ADAMTS19: variants seen among roughly 807,000 people sequenced by gnomAD.
The protein encoded by ADAMTS19 is ADAM metallopeptidase with thrombospondin type 1 motif 19, also known as A disintegrin and metalloproteinase with thrombospondin motifs 19.
In ADAMTS19, 93 loss-of-function variants were observed where a neutral mutation model predicts 153.3. That is an observed-to-expected ratio of 0.61 (90% CI 0.51 to 0.72). ADAMTS19 has a LOEUF of 0.72. Among genes scored for constraint, ADAMTS19 ranks in the 30% least tolerant of loss-of-function variants. The probability of loss-of-function intolerance (pLI) is 0.00; values close to 1 mark genes in which losing one functional copy is unlikely to be tolerated. For missense variants in ADAMTS19, 1,482 were observed against 1,552.1 expected, an observed-to-expected ratio of 0.95 and a Z score of 0.76; for synonymous variants, 600 against 556.6, an observed-to-expected ratio of 1.08 and a Z score of -1.10.
intron 8 of ADAMTS19, among the ~76,000 whole-genome samples, chr5:129,612,831 G>A (rs942677074): frequency 1.3e-5 from 2 of 152,054 alleles, no homozygotes; most frequent in African/African-American, 4.8e-5. Flanking sequence ...TCAAAATAAA[G>A]GGATGGAGGA....
intron 21 of ADAMTS19, among the ~76,000 whole-genome samples, chr5:129,707,269 C>T (rs1050234404): frequency 2.6e-5 from 4 of 152,180 alleles, no homozygotes; most frequent in Non-Finnish European, 4.4e-5. Flanking sequence ...AGATTGTATT[C>T]ATCTTTATTC....
chr5:129,472,143 A>T (rs1179720274), intron 2 of ADAMTS19, among the ~76,000 whole-genome samples: 2 of 152,230 alleles, frequency 1.3e-5, no homozygotes, highest in Admixed American at 6.5e-5. Context: ...TATCTTCCAC[A>T]ATGGTTGAAC....
intron 2 of ADAMTS19, among the ~76,000 whole-genome samples, chr5:129,470,457 A>G (rs116438468): frequency 0.011 from 1,606 of 152,336 alleles, 24 homozygotes; most frequent in African/African-American, 0.037. Context: ...GGAAGTTTTA[A>G]GATTCTCTTA....
At chr5:129,671,027 G>T in intron 16 of ADAMTS19, among the ~76,000 whole-genome samples, 1 of 152,156 alleles carries the variant, frequency 6.6e-6, no homozygotes, top group South Asian at 2.1e-4. Flanking sequence ...ACTGAATGCT[G>T]CTCTGGAGAT....
At chr5:129,571,153 T>C (rs566239830) in intron 7 of ADAMTS19, among the ~76,000 whole-genome samples, 2 of 151,938 alleles carry the variant, frequency 1.3e-5, no homozygotes, top group East Asian at 3.9e-4. Context: ...ATTGTTTACA[T>C]AGAAAATATC....
At position 129,622,253 on chromosome 5, in the gene ADAMTS19, A is replaced by G. The variant is rs1751810389; in HGVS notation, c.1675A>G (p.Met559Val). ...AAATCCGCAGAGTGTCAATTCTGTG[A>G]TGGTTCCCTCCAAGCTGCCAGGGAT... is the stretch of plus-strand genomic sequence containing the variant. The part of the protein sequence containing the change: ...QTNPQSVNSV[M>V]VPSKLPGMTY... The change falls in exon 10 of 23, where the codon ATG becomes GTG. Residue 559 changes from methionine to valine, a missense_variant. Physicochemically the swap from Met to Val is conservative, Grantham distance 21. Around this residue, in one of 2 missense-constraint regions of ADAMTS19, gnomAD observed 866 missense variants for 827.7 expected, o/e 1.05. Coordinates refer to ENST00000274487, the MANE Select transcript of ADAMTS19 (RefSeq NM_133638.6). 1.2e-6 allele frequency: 2 copies of G among 1,614,002 alleles called. No homozygotes were observed. Among genetic ancestry groups the G allele is most frequent in the African/African-American group, 2.7e-5 (2 of 74,920 alleles).
intron 10 of ADAMTS19, among the ~76,000 whole-genome samples, chr5:129,624,309 C>CCTCTCTGA (rs944065977): frequency 1.3e-5 from 2 of 151,994 alleles, no homozygotes; most frequent in African/African-American, 2.4e-5. Context: ...GTCTCCGGTA[C>CCTCTCTGA]CTCTCTGACC....
At chr5:129,736,159 T>C (rs1757655238) in intron 22 of ADAMTS19, among the ~76,000 whole-genome samples, 1 of 152,052 alleles carries the variant, frequency 6.6e-6, no homozygotes, top group Non-Finnish European at 1.5e-5. Context: ...TAAATCCATT[T>C]ATTCAATAGC....
chr5:129,621,449 T>C lies in ADAMTS19; in HGVS notation c.1619+691T>C, dbSNP rs535784013. Among the ~76,000 whole-genome samples the C allele has an allele frequency of 1.2e-4, 19 of 152,306 alleles. 1 individual carries two copies. The highest frequency in any genetic ancestry group is 3.6e-4 in the African/African-American group (15 of 41,572). On this transcript the variant is annotated intron_variant, in intron 9 of 22. Coordinates refer to ENST00000274487, the MANE Select transcript of ADAMTS19 (RefSeq NM_133638.6). ...GGAACACCTAGCTTGCTAAACTCAC[T>C]ACACAGATGAACTTTATTCACTTTT...
intron 16 of ADAMTS19, among the ~76,000 whole-genome samples, chr5:129,672,328 T>C (rs934406382): frequency 6.6e-6 from 1 of 152,134 alleles, no homozygotes; most frequent in Non-Finnish European, 1.5e-5. Flanking sequence ...AGGGCACCAA[T>C]GTTTAATCCT....
chr5:129,699,780 G>A (rs1051409279), intron 19 of ADAMTS19, among the ~76,000 whole-genome samples: 5 of 152,260 alleles, frequency 3.3e-5, no homozygotes, highest in African/African-American at 1.2e-4. Flanking sequence ...TAAGCAAGAT[G>A]AGCATATGGT....
intron 16 of ADAMTS19, among the ~76,000 whole-genome samples, chr5:129,674,683 TTTTC>T (rs1423924642): frequency 6.6e-6 from 1 of 152,142 alleles, no homozygotes; most frequent in Non-Finnish European, 1.5e-5. Context: ...ATACTCCTCT[TTTTC>T]CTTCCTTTTT....
intron 7 of ADAMTS19, among the ~76,000 whole-genome samples, chr5:129,565,887 T>G (rs1419408170): frequency 6.6e-6 from 1 of 152,154 alleles, no homozygotes; most frequent in Non-Finnish European, 1.5e-5. Flanking sequence ...GTAGAAATTT[T>G]TCTTAGCATT....
In ADAMTS19 at chr5:129,528,621, G is replaced by A; in HGVS notation, c.1272G>A (p.Met424Ile). The A allele has an allele frequency of 1.9e-6, 3 of 1,606,098 alleles. No homozygotes were observed. The highest frequency in any genetic ancestry group is 2.5e-6 in the Non-Finnish European group (3 of 1,176,860). ...AAAAGAATGATATACATTTAGAGAT[G>A]TCAACAAACTGGGGGGAAGACATGA... ...FGKKNDIHLE[M>I]STNWGEDMTS... The change falls in exon 6 of 23, where the codon ATG becomes ATA. Residue 424 changes from methionine (M) to isoleucine (I), a missense_variant. By Grantham distance (10) the Met-to-Ile change is conservative. Around this residue, in one of 2 missense-constraint regions of ADAMTS19, gnomAD observed 866 missense variants for 827.7 expected, o/e 1.05. Transcript: ENST00000274487.
chr5:129,542,751 T>G (rs1343511843), intron 6 of ADAMTS19, among the ~76,000 whole-genome samples: 2 of 152,178 alleles, frequency 1.3e-5, no homozygotes, highest in Non-Finnish European at 2.9e-5. Context: ...ACAGTAAAAG[T>G]TATAAATATT....
intron 7 of ADAMTS19, among the ~76,000 whole-genome samples, chr5:129,554,505 T>C (rs1753246335): frequency 6.6e-6 from 1 of 152,192 alleles, no homozygotes; most frequent in South Asian, 2.1e-4. Flanking sequence ...CATATATGCC[T>C]CCACTGGATA....
rs548816207 is a variant in ADAMTS19, at chr5:129,492,784, G to A, written c.748-16293G>A. Among the ~76,000 whole-genome samples the A allele has an allele frequency of 3.9e-5, 6 of 151,970 alleles. No homozygotes were observed. In the East Asian group the frequency reaches 7.7e-4, roughly 20 times the overall value. ...TAAAGAAACTTATCACACACATTTC[G>A]CAGTATTGCCACATAAACTTCAGTA... On this transcript the variant is annotated intron_variant, in intron 2 of 22. Coordinates refer to ENST00000274487, the MANE Select transcript of ADAMTS19 (RefSeq NM_133638.6).
At chr5:129,610,524 G>A (rs541238945) in intron 8 of ADAMTS19, among the ~76,000 whole-genome samples, 4 of 152,048 alleles carry the variant, frequency 2.6e-5, no homozygotes, top group Non-Finnish European at 5.9e-5. Flanking sequence ...CCACCTATGA[G>A]TGAGAACATA....
chr5:129,508,605 T>C (rs1358732604), intron 2 of ADAMTS19, among the ~76,000 whole-genome samples: 1 of 152,046 alleles, frequency 6.6e-6, no homozygotes, highest in Non-Finnish European at 1.5e-5. Context: ...TTTAAGGATA[T>C]TTTATATATT....
Sources: gnomAD v4.1 joint callset for allele counts (sites outside exome capture counted in the v4.1 genomes callset) on GRCh38, gnomAD v4.1.1 for gene constraint, gnomAD v4.1.1 regional missense constraint, MANE v1.5 for transcripts, NCBI Gene and HGNC (gene_info 2026-07-23, HGNC 2026-07-21) for gene names.